Variants in CRACD observed in about 807,000 individuals in gnomAD.
CRACD encodes capping protein inhibiting regulator of actin dynamics.
Under a neutral mutation model 106.8 loss-of-function variants are expected in CRACD, and 56 were observed. The ratio of observed to expected loss-of-function variants is 0.52; its 90% confidence interval spans 0.42 to 0.66. The LOEUF is 0.66. Ranked by LOEUF, CRACD falls within the 30% of genes least tolerant of loss-of-function variation. CRACD has a pLI of 0.00. For synonymous variants in CRACD, 754 were observed against 670.8 expected (o/e 1.12, Z -1.92); for missense variants, 1,730 against 1,623.2 (o/e 1.07, Z -1.13).
At position 56,314,862 on chromosome 4, in the gene CRACD, C is replaced by G; in HGVS notation, c.1360C>G (p.Gln454Glu). The change falls in exon 8 of 11, where the codon CAG becomes GAG. Residue 454 changes from glutamine to glutamate, a missense_variant. Gln to Glu is a conservative substitution (Grantham distance 29). Around this residue, in one of 5 missense-constraint regions of CRACD, gnomAD observed 1,620 missense variants for 1,481.6 expected, o/e 1.09. Transcript: ENST00000682029. This position sits in a 1 kb window ranked among gnomAD's most constrained non-coding sequence, Gnocchi z 4.4. ...CGAGGAGCCAGGTATTTGCGAGGAG[C>G]AGAACCCAGAGGCCGAGCGGCGAAG... Reference protein sequence around the residue: ...HSEEPGICEEQNPEAERRREQ... With the variant: ...HSEEPGICEEENPEAERRREQ... 6.2e-7 allele frequency: 1 copy of G among 1,612,070 alleles called. No homozygotes were observed. The highest frequency in any genetic ancestry group is 8.5e-7 in the Non-Finnish European group (1 of 1,179,560).
chr4:56,254,054 G>C (rs2109595461), intron 2 of CRACD, among the ~76,000 whole-genome samples: 1 of 152,252 alleles, frequency 6.6e-6, no homozygotes, highest in South Asian at 2.1e-4. Flanking sequence ...TGAGTTAATT[G>C]AAAGATTCTG....
intron 1 of CRACD, among the ~76,000 whole-genome samples, chr4:56,069,547 T>G (rs1732566639): frequency 6.6e-6 from 1 of 152,160 alleles, no homozygotes; most frequent in Non-Finnish European, 1.5e-5. Context: ...CACTGAATCG[T>G]TCTCCCTTCC....
chr4:56,162,686 C>G (rs1021946819), intron 1 of CRACD, among the ~76,000 whole-genome samples: 4 of 152,238 alleles, frequency 2.6e-5, no homozygotes, highest in African/African-American at 4.8e-5. Context: ...TGAAGCCTGC[C>G]TTGTCCAAGG....
intron 2 of CRACD, among the ~76,000 whole-genome samples, chr4:56,260,326 C>A (rs1376117216): frequency 6.6e-6 from 1 of 152,188 alleles, no homozygotes; most frequent in Non-Finnish European, 1.5e-5. Flanking sequence ...GACTTTGCAT[C>A]CTCTTCTGGG....
chr4:56,253,127 A>T (rs1741145190), intron 2 of CRACD, among the ~76,000 whole-genome samples: 2 of 152,166 alleles, frequency 1.3e-5, no homozygotes, highest in Non-Finnish European at 2.9e-5. Context: ...ATCCTGATGT[A>T]AAGAGGAGAC....
intron 1 of CRACD, among the ~76,000 whole-genome samples, chr4:56,176,964 C>T (rs1186669033): frequency 6.6e-6 from 1 of 152,012 alleles, no homozygotes; most frequent in Non-Finnish European, 1.5e-5. Flanking sequence ...TTTTTTAGAG[C>T]CTTTAGATTT....
chr4:56,165,994 A>C (rs1011062270), intron 1 of CRACD, among the ~76,000 whole-genome samples: 1 of 152,232 alleles, frequency 6.6e-6, no homozygotes, highest in East Asian at 1.9e-4. Flanking sequence ...CAGAGTAGAT[A>C]GGATTATAGG....
intron 3 of CRACD, among the ~76,000 whole-genome samples, chr4:56,296,693 T>C (rs1426026608): frequency 6.6e-6 from 1 of 152,158 alleles, no homozygotes; most frequent in Non-Finnish European, 1.5e-5. Context: ...AGGAGGAGGT[T>C]GTGCTCTCTC....
At chr4:56,152,268 C>T (rs941847457) in intron 1 of CRACD, among the ~76,000 whole-genome samples, 4 of 151,698 alleles carry the variant, frequency 2.6e-5, no homozygotes, top group Admixed American at 6.6e-5. Flanking sequence ...CCACCCGGCT[C>T]GGCCTCCCAA....
intron 1 of CRACD, among the ~76,000 whole-genome samples, chr4:56,154,777 T>C (rs1246222756): frequency 6.6e-6 from 1 of 152,106 alleles, no homozygotes; most frequent in African/African-American, 2.4e-5. Flanking sequence ...GAGATGCTCA[T>C]CATTGTCTTT....
In CRACD at chr4:56,095,892, A is replaced by C. The variant is rs11936224; in HGVS notation, c.-336+46593A>C. Among the ~76,000 whole-genome samples the C allele has an allele frequency of 3.9e-3, 594 of 152,248 alleles. 5 individuals carry two copies. The highest frequency in any genetic ancestry group is 0.014 in the African/African-American group (572 of 41,544). On this transcript the variant is annotated intron_variant, in intron 1 of 10. Coordinates refer to ENST00000682029, the MANE Select transcript of CRACD (RefSeq NM_001393381.1). The stretch of plus-strand genomic sequence containing the variant: ...ATAGTGTTAGTTGTGGAGTAGTGAG[A>C]TATGGTTTTTATATATTTCATATTT...
chr4:56,229,933 A>C (rs184887390), intron 2 of CRACD, among the ~76,000 whole-genome samples: 1 of 152,228 alleles, frequency 6.6e-6, no homozygotes, highest in Non-Finnish European at 1.5e-5. Flanking sequence ...AACAACTAAC[A>C]GGGTAAAACT....
intron 1 of CRACD, among the ~76,000 whole-genome samples, chr4:56,163,296 C>CA (rs61130200): frequency 0.061 from 8,845 of 146,096 alleles, 441 homozygotes; most frequent in African/African-American, 0.13. Context: ...GTCCCGTCTT[C>CA]AAAAAAAAAA....
intron 2 of CRACD, among the ~76,000 whole-genome samples, chr4:56,222,496 C>T (rs1213173651): frequency 6.6e-6 from 1 of 152,102 alleles, no homozygotes; most frequent in Non-Finnish European, 1.5e-5. Context: ...CTATATAATA[C>T]ATCCATGTAA....
At chr4:56,268,151 G>C (rs1196895703) in intron 2 of CRACD, among the ~76,000 whole-genome samples, 1 of 152,156 alleles carries the variant, frequency 6.6e-6, no homozygotes, top group East Asian at 1.9e-4. Context: ...TTACCTGTTG[G>C]TTAAATAGAT....
intron 1 of CRACD, among the ~76,000 whole-genome samples, chr4:56,055,501 C>T (rs1311027401): frequency 6.6e-6 from 1 of 152,044 alleles, no homozygotes; most frequent in Non-Finnish European, 1.5e-5. Context: ...GTGGGGGCCA[C>T]AGCTCATGTT....
chr4:56,114,138 C>T (rs2109846095), intron 1 of CRACD, among the ~76,000 whole-genome samples: 1 of 151,950 alleles, frequency 6.6e-6, no homozygotes. Flanking sequence ...TCTGGTGGCT[C>T]AATTATGTTG....
intron 2 of CRACD, among the ~76,000 whole-genome samples, chr4:56,194,154 T>C (rs1293303064): frequency 6.6e-6 from 1 of 152,200 alleles, no homozygotes; most frequent in East Asian, 1.9e-4. Flanking sequence ...CTTTGCAGTA[T>C]ACAGTGGCAA....
chr4:56,136,042 C>G (rs1430647707), intron 1 of CRACD, among the ~76,000 whole-genome samples: 3 of 151,058 alleles, frequency 2.0e-5, no homozygotes, highest in Non-Finnish European at 3.0e-5. Flanking sequence ...TTTGGTGGAG[C>G]TTTTTTTCAC....
Sources: gnomAD v4.1 joint callset for allele counts (sites outside exome capture counted in the v4.1 genomes callset) on GRCh38, gnomAD v4.1.1 for gene constraint, gnomAD v4.1.1 regional missense constraint, Gnocchi (gnomAD v3.1) non-coding constraint, MANE v1.5 for transcripts, NCBI Gene and HGNC (gene_info 2026-07-23, HGNC 2026-07-21) for gene names.